The following TAFA1 variants were observed in gnomAD, a reference collection of about 807,000 sequenced individuals.
TAFA1 encodes the protein TAFA chemokine like family member 1, also known as chemokine-like protein TAFA-1.
In TAFA1, 4 loss-of-function variants were observed where a neutral mutation model predicts 18.5. The observed-to-expected ratio is 0.22, with a 90% confidence interval of 0.11 to 0.49. The LOEUF (loss-of-function observed/expected upper bound fraction) is 0.49. Ranked by LOEUF, TAFA1 falls within the 20% of genes least tolerant of loss-of-function variation. The probability of loss-of-function intolerance (pLI) is 0.98; values close to 1 mark genes in which losing one functional copy is unlikely to be tolerated. For synonymous variants in TAFA1, 56 were observed against 55.2 expected (o/e 1.01, Z -0.06); for missense variants, 147 against 169.0 (o/e 0.87, Z 0.72).
chr3:68,528,967 A>G (rs1247048282), intron 3 of TAFA1, among the ~76,000 whole-genome samples: 1 of 152,080 alleles, frequency 6.6e-6, no homozygotes, highest in Admixed American at 6.6e-5. Flanking sequence ...AAGTACTTCA[A>G]ATGTACTTTC....
At chr3:68,133,916 A>G (rs1203422428) in intron 2 of TAFA1, among the ~76,000 whole-genome samples, 5 of 152,132 alleles carry the variant, frequency 3.3e-5, no homozygotes, top group Non-Finnish European at 5.9e-5. Flanking sequence ...AATTAATTGG[A>G]CAGAGAGTTA....
intron 2 of TAFA1, among the ~76,000 whole-genome samples, chr3:68,387,394 C>G (rs566653852): frequency 6.6e-6 from 1 of 152,052 alleles, no homozygotes; most frequent in Non-Finnish European, 1.5e-5. Context: ...ATTGATTAAA[C>G]GTAATGTTCG....
intron 2 of TAFA1, among the ~76,000 whole-genome samples, chr3:68,379,050 G>A (rs1575817771): frequency 6.6e-6 from 1 of 152,112 alleles, no homozygotes; most frequent in African/African-American, 2.4e-5. Context: ...TGGGTCAAAT[G>A]TTATTTCTGT....
At chr3:68,393,762 T>C (rs2070313676) in intron 2 of TAFA1, among the ~76,000 whole-genome samples, 1 of 151,770 alleles carries the variant, frequency 6.6e-6, no homozygotes, top group African/African-American at 2.4e-5. Context: ...ATGACAAAAA[T>C]TACGTGATTA....
At chr3:67,996,583 G>T in the TAFA1 span, among the ~76,000 whole-genome samples, 1 of 152,096 alleles carries the variant, frequency 6.6e-6, no homozygotes, top group Non-Finnish European at 1.5e-5. Context: ...CAGACCACTT[G>T]AGGCCAGGAG....
At chr3:68,394,793 A>G (rs1448119483) in intron 2 of TAFA1, among the ~76,000 whole-genome samples, 2 of 152,156 alleles carry the variant, frequency 1.3e-5, no homozygotes, top group Non-Finnish European at 2.9e-5. Context: ...TATACAAAAA[A>G]TAACTCAAGG....
At chr3:68,298,208 G>A (rs914386048) in intron 2 of TAFA1, among the ~76,000 whole-genome samples, 15 of 152,148 alleles carry the variant, frequency 9.9e-5, no homozygotes, top group Admixed American at 3.3e-4. Context: ...AGCAGCCAGA[G>A]GTGGACACTA....
At chr3:68,498,021 C>G (rs1028931809) in intron 3 of TAFA1, among the ~76,000 whole-genome samples, 6 of 152,184 alleles carry the variant, frequency 3.9e-5, no homozygotes, top group African/African-American at 1.4e-4. Context: ...ACTTCCATTA[C>G]TAACTCTTTG....
chr3:68,334,821 T>A (rs2106738714), intron 2 of TAFA1, among the ~76,000 whole-genome samples: 1 of 152,238 alleles, frequency 6.6e-6, no homozygotes, highest in East Asian at 1.9e-4. Context: ...ATCTTGCTGT[T>A]TGTTGTATCT....
intron 2 of TAFA1, among the ~76,000 whole-genome samples, chr3:68,120,449 A>G (rs1162088250): frequency 6.6e-6 from 1 of 151,990 alleles, no homozygotes; most frequent in Non-Finnish European, 1.5e-5. Flanking sequence ...GAGTTTTGCC[A>G]TGTTGGCCAG....
At chr3:68,196,821 C>T (rs1419278689) in intron 2 of TAFA1, among the ~76,000 whole-genome samples, 2 of 151,694 alleles carry the variant, frequency 1.3e-5, no homozygotes, top group African/African-American at 2.4e-5. Flanking sequence ...TTTAATTGGC[C>T]CTGTTTAGCT....
intron 2 of TAFA1, among the ~76,000 whole-genome samples, chr3:68,278,191 C>T (rs1309999046): frequency 9.9e-5 from 15 of 152,082 alleles, no homozygotes; most frequent in South Asian, 6.2e-4. Flanking sequence ...TTTCTCTCTT[C>T]ATTCACACCG....
At chr3:68,393,172 A>C (rs1023268097) in intron 2 of TAFA1, among the ~76,000 whole-genome samples, 2 of 152,136 alleles carry the variant, frequency 1.3e-5, no homozygotes, top group East Asian at 1.9e-4. Context: ...GATAAAGGGA[A>C]TATCACCACC....
intron 2 of TAFA1, among the ~76,000 whole-genome samples, chr3:68,348,010 G>C (rs1163954748): frequency 6.6e-6 from 1 of 152,068 alleles, no homozygotes; most frequent in African/African-American, 2.4e-5. Flanking sequence ...TAGTCCTGAT[G>C]CTGCCATTTA....
At chr3:68,109,249 T>C (rs1427548703) in intron 2 of TAFA1, among the ~76,000 whole-genome samples, 3 of 152,052 alleles carry the variant, frequency 2.0e-5, no homozygotes, top group South Asian at 2.1e-4. Flanking sequence ...GAGTGAAGGA[T>C]AGAAAAGAAG....
At chr3:68,412,762 A>C (rs1356912385) in intron 2 of TAFA1, among the ~76,000 whole-genome samples, 1 of 152,054 alleles carries the variant, frequency 6.6e-6, no homozygotes, top group Non-Finnish European at 1.5e-5. Flanking sequence ...ACATTTTCTT[A>C]ATCCAGTCTA....
intron 2 of TAFA1, among the ~76,000 whole-genome samples, chr3:68,402,316 A>G (rs2070511660): frequency 6.6e-6 from 1 of 152,200 alleles, no homozygotes; most frequent in Non-Finnish European, 1.5e-5. Flanking sequence ...AGATGGTCCC[A>G]GGTAGCTTAG....
intron 3 of TAFA1, among the ~76,000 whole-genome samples, chr3:68,509,890 T>C (rs2072819856): frequency 6.6e-6 from 1 of 152,128 alleles, no homozygotes; most frequent in South Asian, 2.1e-4. Context: ...CTGGATCCAT[T>C]TTGCTGAGGC....
At chr3:68,525,818 A>G (rs748756259) in intron 3 of TAFA1, among the ~76,000 whole-genome samples, 4 of 152,156 alleles carry the variant, frequency 2.6e-5, no homozygotes, top group Non-Finnish European at 5.9e-5. Flanking sequence ...CAAGAGCACA[A>G]TGGTATTATA....
Sources: allele counts gnomAD v4.1 joint callset (sites outside exome capture counted in the v4.1 genomes callset), GRCh38; gene constraint gnomAD v4.1.1; transcripts MANE v1.5; gene names NCBI Gene and HGNC (gene_info 2026-07-23, HGNC 2026-07-21).